GAP43: variants seen among roughly 807,000 people sequenced by gnomAD.
The protein encoded by GAP43 is growth associated protein 43.
In GAP43, 6 loss-of-function variants were observed where a neutral mutation model predicts 18.6. The observed-to-expected ratio is 0.32, with a 90% CI of 0.18 to 0.64. The LOEUF is 0.64. Ranked by LOEUF, GAP43 falls within the 30% of genes least tolerant of loss-of-function variation. GAP43 has a pLI of 0.78. For synonymous variants in GAP43, 115 were observed against 111.4 expected, an observed-to-expected ratio of 1.03 and a Z score of -0.20; for missense variants, 292 against 295.5, an observed-to-expected ratio of 0.99 and a Z score of 0.09.
At chr3:115,686,659 A>G (rs1165866121) in intron 2 of GAP43, among the ~76,000 whole-genome samples, 1 of 152,244 alleles carries the variant, frequency 6.6e-6, no homozygotes, top group Non-Finnish European at 1.5e-5. Context: ...ACTAAATTTT[A>G]GAATTTTCTT....
intron 1 of GAP43, chr3:115,658,646 C>G (rs1437622883): frequency 6.6e-6 from 1 of 152,258 alleles, no homozygotes; most frequent in Non-Finnish European, 1.5e-5. Context: ...GAGGCAGCGA[C>G]ACGGCGCTTG....
intron 1 of GAP43, among the ~76,000 whole-genome samples, chr3:115,655,987 C>T (rs1381708096): frequency 6.6e-6 from 1 of 152,182 alleles, no homozygotes; most frequent in Non-Finnish European, 1.5e-5. Flanking sequence ...GCCTTTGACA[C>T]TAATGATCTA....
At chr3:115,700,583 G>T (rs1283630499) in intron 2 of GAP43, among the ~76,000 whole-genome samples, 1 of 152,126 alleles carries the variant, frequency 6.6e-6, no homozygotes, top group African/African-American at 2.4e-5. Context: ...AGTCTTGGCT[G>T]TAAGTGGTTG....
rs565317166 is a variant in GAP43 at position 115,650,200 on chromosome 3, G to A, written c.31-25813G>A. Among the ~76,000 whole-genome samples the A allele has an allele frequency of 5.8e-4, 89 of 152,234 alleles. 1 individual carries two copies. The highest frequency in any genetic ancestry group is 2.1e-3 in the African/African-American group (89 of 41,560). On this transcript the variant is annotated intron_variant, in intron 1 of 2. Coordinates refer to ENST00000305124, the MANE Select transcript of GAP43 (RefSeq NM_002045.4). ...AGGAAGCTACATTGTCTCTCATCCTGTGGTTATTTTTCTCTTCACATCCCT... is the reference window on the plus strand; with the variant it reads ...AGGAAGCTACATTGTCTCTCATCCTATGGTTATTTTTCTCTTCACATCCCT...
At chr3:115,708,776 A>G (rs1395294413) in intron 2 of GAP43, among the ~76,000 whole-genome samples, 1 of 152,108 alleles carries the variant, frequency 6.6e-6, no homozygotes, top group African/African-American at 2.4e-5. Flanking sequence ...CACCTCTGGC[A>G]GCTGGGGGAT....
chr3:115,662,068 T>C (rs1395370527), intron 1 of GAP43, among the ~76,000 whole-genome samples: 2 of 152,150 alleles, frequency 1.3e-5, no homozygotes, highest in African/African-American at 2.4e-5. Context: ...TGATAAAATA[T>C]GTTGCACAGA....
At chr3:115,627,133 C>CTTTTTTTTTT (rs5851968) in intron 1 of GAP43, among the ~76,000 whole-genome samples, 1 of 122,686 alleles carries the variant, frequency 8.2e-6, no homozygotes, top group African/African-American at 3.1e-5. Context: ...TTTTTTCTTT[C>CTTTTTTTTTT]TTTTTTTTTT....
Position 115,708,562 on chromosome 3 carries a change from G to A in GAP43, c.629-12232G>A, listed in dbSNP as rs371456049. Among the ~76,000 whole-genome samples, 127 of 152,280 alleles carry A rather than the reference G, an allele frequency of 8.3e-4. 4 individuals carry two copies. Among genetic ancestry groups the A allele is most frequent in the African/African-American group, 2.9e-3 (122 of 41,550 alleles). On this transcript the variant is annotated intron_variant, in intron 2 of 2. Transcript: ENST00000305124. ...GCAGAGGAAGATACCAGGCAAAGACGAGAGTTCAGGGGAAATGTCTCAGCC... is the reference window on the plus strand; with the variant it reads ...GCAGAGGAAGATACCAGGCAAAGACAAGAGTTCAGGGGAAATGTCTCAGCC...
At position 115,648,224 on chromosome 3, in the gene GAP43, T is replaced by C. The variant is rs373937330; in HGVS notation, c.30+24505T>C. ...ATTTTTATTTCCCTAATTCTTGGAC[T>C]GCTGGCTGTATACCTCAACCTTCTT... On this transcript the variant is annotated intron_variant, in intron 1 of 2. Coordinates refer to ENST00000305124, the MANE Select transcript of GAP43 (RefSeq NM_002045.4). Among the ~76,000 whole-genome samples the C allele has an allele frequency of 2.0e-5, 3 of 152,086 alleles. No homozygotes were observed. In the East Asian group the frequency reaches 5.8e-4, roughly 29 times the overall value.
chr3:115,690,248 G>A (rs1301984929), intron 2 of GAP43, among the ~76,000 whole-genome samples: 1 of 116,438 alleles, frequency 8.6e-6, no homozygotes, highest in Non-Finnish European at 1.6e-5. Flanking sequence ...ACCATTGTCT[G>A]AGCCCTTCTG....
intron 1 of GAP43, among the ~76,000 whole-genome samples, chr3:115,659,916 T>C (rs1202273057): frequency 6.6e-6 from 1 of 152,174 alleles, no homozygotes; most frequent in African/African-American, 2.4e-5. Flanking sequence ...CCCCCGCAAC[T>C]AGGACAGTGA....
rs1176671864 is a variant in GAP43, at chr3:115,640,925, C to T, written c.30+17206C>T. ...CTTTTTTCTTTTTCTTTCTTTCCTT[C>T]TTTTTTTCCTTCTCTTTCTTTCTCC... On this transcript the variant is annotated intron_variant, in intron 1 of 2. Coordinates refer to ENST00000305124, the MANE Select transcript of GAP43 (RefSeq NM_002045.4). Among the ~76,000 whole-genome samples the T allele has an allele frequency of 5.3e-5, 8 of 150,512 alleles. No homozygotes were observed. In the East Asian group the frequency reaches 1.6e-3, roughly 30 times the overall value.
At chr3:115,671,660 T>A (rs545712963) in intron 1 of GAP43, among the ~76,000 whole-genome samples, 6 of 152,222 alleles carry the variant, frequency 3.9e-5, no homozygotes, top group African/African-American at 1.4e-4. Context: ...ATATCAACAA[T>A]TCTGTGTAAA....
intron 1 of GAP43, among the ~76,000 whole-genome samples, chr3:115,672,837 C>CT (rs889140221): frequency 2.0e-5 from 3 of 147,708 alleles, no homozygotes; most frequent in South Asian, 2.2e-4. Context: ...TATTAATTGT[C>CT]TTTTTTTTCC....
At chr3:115,646,165 A>G (rs72961658) in intron 1 of GAP43, among the ~76,000 whole-genome samples, 26,909 of 152,112 alleles carry the variant, frequency 0.18, 2,434 homozygotes, top group Admixed American at 0.24. Flanking sequence ...GCCAAGGGTA[A>G]GTCAGCCTTA....
At chr3:115,657,837 CG>C (rs1413995267) in intron 1 of GAP43, among the ~76,000 whole-genome samples, 3 of 152,088 alleles carry the variant, frequency 2.0e-5, no homozygotes, top group African/African-American at 7.2e-5. Context: ...GGATTACAGA[CG>C]TGAGCCGCCG....
chr3:115,665,517 C>T (rs1708721505), intron 1 of GAP43, among the ~76,000 whole-genome samples: 1 of 152,098 alleles, frequency 6.6e-6, no homozygotes. Flanking sequence ...GCTTAGCCTT[C>T]TTCATTATCA....
chr3:115,718,869 T>G (rs1709542753), intron 2 of GAP43, among the ~76,000 whole-genome samples: 1 of 152,182 alleles, frequency 6.6e-6, no homozygotes, highest in Non-Finnish European at 1.5e-5. Flanking sequence ...ATTCCATAAA[T>G]TTGTTTAATA....
At position 115,683,526 on chromosome 3, in the gene GAP43, C is replaced by A. The variant is rs891716549; in HGVS notation, c.628+6916C>A. 2.6e-5 allele frequency among the ~76,000 whole-genome samples: 4 copies of A among 152,130 alleles called. No individual in the cohort carries two copies. The East Asian group carries it at 7.7e-4, about 29-fold the overall frequency. On this transcript the variant is annotated intron_variant, in intron 2 of 2. Transcript: ENST00000305124. ...ACTTCTGATTCATAATCCTCCTAACCCTGTCTCTGGATGGAAAACTATAGC... is the reference window on the plus strand; with the variant it reads ...ACTTCTGATTCATAATCCTCCTAACACTGTCTCTGGATGGAAAACTATAGC...
Sources: allele counts gnomAD v4.1 joint callset (sites outside exome capture counted in the v4.1 genomes callset), GRCh38; gene constraint gnomAD v4.1.1; transcripts MANE v1.5; gene names NCBI Gene and HGNC (gene_info 2026-07-23, HGNC 2026-07-21).